Variants in DMD observed in about 807,000 individuals in gnomAD.
The protein encoded by DMD is dystrophin.
DMD carries 63 observed loss-of-function variants against 330.1 expected under a neutral mutation model. The observed-to-expected ratio is 0.19, with a 90% CI of 0.16 to 0.24. The LOEUF (loss-of-function observed/expected upper bound fraction) is 0.24, where lower values mean the gene tolerates loss of function less well. Ranked by LOEUF, DMD falls within the 10% of genes least tolerant of loss-of-function variation. The probability of loss-of-function intolerance (pLI) is 1.00; values close to 1 mark genes in which losing one functional copy is unlikely to be tolerated. For missense variants in DMD, 3,344 were observed against 2,684.1 expected (o/e 1.25, Z -5.43); for synonymous variants, 1,223 against 959.8 (o/e 1.27, Z -5.07).
At chrX:33,181,646 G>A (rs1401122002) in intron 1 of DMD, among the ~76,000 whole-genome samples, 2 of 111,650 alleles carry the variant, frequency 1.8e-5, no homozygotes, top group Non-Finnish European at 3.8e-5. Context: ...TATACACAAA[G>A]CTCTTATTAC....
chrX:32,479,915 G>A (rs2041670630), intron 21 of DMD, among the ~76,000 whole-genome samples: 1 of 110,664 alleles, frequency 9.0e-6, no homozygotes, highest in African/African-American at 3.3e-5. Context: ...AAATTAGATT[G>A]CATCAAACTA....
At chrX:32,235,180 C>T (rs945300992) in intron 43 of DMD, among the ~76,000 whole-genome samples, 2 of 111,302 alleles carry the variant, frequency 1.8e-5, no homozygotes, top group Non-Finnish European at 1.9e-5. Flanking sequence ...CTTGAGCTTC[C>T]TTTCCTGCAG....
At chrX:32,364,016 A>T (rs2097846026) in intron 36 of DMD, among the ~76,000 whole-genome samples, 1 of 111,965 alleles carries the variant, frequency 8.9e-6, no homozygotes, top group Non-Finnish European at 1.9e-5. Context: ...TAAAGAAAAG[A>T]TTAAGTTCCC....
chrX:32,783,001 A>G (rs2074948591), intron 7 of DMD, among the ~76,000 whole-genome samples: 1 of 103,920 alleles, frequency 9.6e-6, no homozygotes, highest in South Asian at 4.1e-4. Flanking sequence ...GTGTATATAT[A>G]CACACACACG....
chrX:31,144,261 C>T (rs1409236207), intron 76 of DMD, among the ~76,000 whole-genome samples: 1 of 111,213 alleles, frequency 9.0e-6, no homozygotes, highest in Non-Finnish European at 1.9e-5. Context: ...TCTTCTTCAA[C>T]ATCTTTTCCA....
At chrX:32,434,087 C>T (rs1170751249) in intron 29 of DMD, among the ~76,000 whole-genome samples, 2 of 112,215 alleles carry the variant, frequency 1.8e-5, no homozygotes, top group Admixed American at 9.4e-5. Context: ...TCTAGCAAAT[C>T]TCTTTTAAAT....
intron 54 of DMD, among the ~76,000 whole-genome samples, chrX:31,633,690 A>C (rs1178761574): frequency 8.9e-6 from 1 of 112,316 alleles, no homozygotes; most frequent in Non-Finnish European, 1.9e-5. Flanking sequence ...AATGTATCTT[A>C]AACATGTTTT....
At chrX:31,933,642 G>A (rs1187282371) in intron 45 of DMD, among the ~76,000 whole-genome samples, 1 of 111,652 alleles carries the variant, frequency 9.0e-6, no homozygotes. Flanking sequence ...TGAACACACT[G>A]TACAACCAGA....
At chrX:32,291,351 C>A (rs1160279353) in intron 42 of DMD, among the ~76,000 whole-genome samples, 1 of 112,215 alleles carries the variant, frequency 8.9e-6, no homozygotes, top group Non-Finnish European at 1.9e-5. Flanking sequence ...CTGAAACAAA[C>A]TGATATATTA....
intron 52 of DMD, among the ~76,000 whole-genome samples, chrX:31,714,242 G>A (rs963182180): frequency 4.5e-5 from 5 of 110,970 alleles, no homozygotes; most frequent in Non-Finnish European, 9.5e-5. Context: ...TTATATGAGA[G>A]ATAAATTTGG....
intron 2 of DMD, among the ~76,000 whole-genome samples, chrX:32,883,823 C>CAAAAAAAAAAAAAAAAAAA (rs56150142): frequency 6.6e-5 from 2 of 30,352 alleles, no homozygotes; most frequent in African/African-American, 1.4e-4. Flanking sequence ...GACTCTGTTT[C>CAAAAAAAAAAAAAAAAAAA]AAAAAAAAAA....
In DMD at chrX:31,264,095, C is replaced by T. The variant is rs747693145; in HGVS notation, c.9225-3079G>A. ...CTGCATAACTCATATCTATCTTGTA[C>T]CTTGAAGGACAAACCACATTTTTGT... On this transcript the variant is annotated intron_variant, in intron 62 of 78. Transcript: ENST00000357033. Among the ~76,000 whole-genome samples the T allele has an allele frequency of 4.0e-4, 45 of 112,183 alleles. 1 individual carries two copies. The highest frequency in any genetic ancestry group is 1.3e-3 in the Admixed American group (14 of 10,592).
At chrX:32,988,458 GT>G (rs1346676827) in intron 2 of DMD, among the ~76,000 whole-genome samples, 3 of 111,968 alleles carry the variant, frequency 2.7e-5, no homozygotes, top group Non-Finnish European at 5.6e-5. Flanking sequence ...AAAATAATAA[GT>G]TTGCTTCCTG....
chrX:32,921,281 A>T (rs2088368906), intron 2 of DMD, among the ~76,000 whole-genome samples: 1 of 112,033 alleles, frequency 8.9e-6, no homozygotes, highest in African/African-American at 3.2e-5. Flanking sequence ...GTTATAAAAC[A>T]ATTTTGGAAG....
At chrX:31,496,056 T>C (rs1290734688) in intron 57 of DMD, among the ~76,000 whole-genome samples, 2 of 111,932 alleles carry the variant, frequency 1.8e-5, no homozygotes, top group African/African-American at 6.5e-5. Context: ...TGTACTACAG[T>C]TGCATGACAT....
At chrX:33,010,199 CATATGTGTGTGTATATGTACAT>C (rs1314837588) in intron 2 of DMD, among the ~76,000 whole-genome samples, 5 of 84,139 alleles carry the variant, frequency 5.9e-5, no homozygotes, top group African/African-American at 2.9e-4. Context: ...TGTATATATG[CATATGTGTGTGTATATGTACAT>C]ATGTGTGTAT....
At chrX:32,012,787 A>G (rs960189128) in intron 44 of DMD, among the ~76,000 whole-genome samples, 3 of 111,665 alleles carry the variant, frequency 2.7e-5, no homozygotes, top group Non-Finnish European at 5.6e-5. Flanking sequence ...AAGGAGGCCC[A>G]ATAAATGATT....
At chrX:32,602,755 A>G (rs2056331752) in intron 12 of DMD, among the ~76,000 whole-genome samples, 1 of 111,269 alleles carries the variant, frequency 9.0e-6, no homozygotes, top group Non-Finnish European at 1.9e-5. Flanking sequence ...CCTTCTATCT[A>G]GACATTCCCA....
chrX:32,622,519 C>A (rs921992870), intron 11 of DMD, among the ~76,000 whole-genome samples: 1 of 111,848 alleles, frequency 8.9e-6, no homozygotes, highest in Non-Finnish European at 1.9e-5. Context: ...AATATCAAAT[C>A]TGACCACTCT....
Sources: allele counts gnomAD v4.1 joint callset (sites outside exome capture counted in the v4.1 genomes callset), GRCh38; gene constraint gnomAD v4.1.1; transcripts MANE v1.5; gene names NCBI Gene and HGNC (gene_info 2026-07-23, HGNC 2026-07-21).